Variants in MIDN observed in about 807,000 individuals in gnomAD.
MIDN encodes the protein midbrain nucleolar protein.
MIDN carries 26 observed loss-of-function variants against 46.1 expected under a neutral mutation model. The observed-to-expected ratio is 0.56, with a 90% CI of 0.41 to 0.78. The LOEUF (loss-of-function observed/expected upper bound fraction) is 0.78, where lower values mean the gene tolerates loss of function less well. MIDN is among the 30% of genes least tolerant of loss of function. The probability of loss-of-function intolerance (pLI) is 0.00; values close to 1 mark genes in which losing one functional copy is unlikely to be tolerated. For synonymous variants in MIDN, 432 were observed against 343.3 expected (o/e 1.26, Z -2.86); for missense variants, 850 against 771.8 (o/e 1.10, Z -1.20).
intron 4 of MIDN, 123 bp downstream of exon 4, chr19:1,252,024 C>T: frequency 1.2e-6 from 1 of 803,560 alleles, no homozygotes; most frequent in South Asian, 1.5e-5. Context: ...GACGCGCCAC[C>T]CCGCCTGGGT....
At position 1,251,529 on chromosome 19, in the gene MIDN, G is replaced by T. The variant is rs772117809; in HGVS notation, c.234-33G>T. 7 of 1,598,984 alleles carry T rather than the reference G, an allele frequency of 4.4e-6. 1 individual carries two copies. The highest frequency in any genetic ancestry group is 6.0e-6 in the Non-Finnish European group (7 of 1,173,688). ...GCTTCCGCGTCCCTGTGTCGTCTCC[G>T]CGGAGTCTCATGCTCTTCCTTCCTC... On this transcript the variant is annotated intron_variant, in intron 2 of 8. Coordinates refer to ENST00000682408, the MANE Select transcript of MIDN (RefSeq NM_001388306.1).
intron 1 of MIDN, 93 bp from the exon 2 acceptor site, chr19:1,249,797 G>A (rs2081100483): frequency 6.6e-6 from 1 of 151,212 alleles, no homozygotes; most frequent in South Asian, 2.1e-4. Flanking sequence ...CGCCCGGCCG[G>A]CGGAGTAAGT....
chr19:1,248,887 T>G (rs2081087168), intron 1 of MIDN, among the ~76,000 whole-genome samples: 1 of 151,024 alleles, frequency 6.6e-6, no homozygotes, highest in South Asian at 2.1e-4. Flanking sequence ...TCACCGCGGG[T>G]GACCTTGAAC....
Position 1,250,342 on chromosome 19 carries a change from C to T in MIDN, c.46C>T (p.Pro16Ser), listed in dbSNP as rs1320520510. 9.6e-7 allele frequency: 1 copy of T among 1,042,784 alleles called. No homozygotes were observed. Among genetic ancestry groups the T allele is most frequent in the African/African-American group, 1.7e-5 (1 of 57,752 alleles). 64.6% of individuals were successfully genotyped at this position (1,042,784 alleles called of 1,614,324 possible). The change falls in exon 2 of 9, where the codon CCC becomes TCC. Residue 16 changes from proline to serine, a missense_variant. Pro to Ser is a moderately conservative substitution (Grantham distance 74, BLOSUM62 -1). Transcript: ENST00000682408. Reference protein sequence around the residue: ...GGARSCRRGAPGGACELGPAA... With the variant: ...GGARSCRRGASGGACELGPAA... The stretch of plus-strand genomic sequence containing the variant: ...CGCCCGGAGCTGCCGGCGCGGGGCC[C>T]CCGGCGGCGCCTGCGAGCTGGGCCC...
At position 1,255,651 on chromosome 19, in the gene MIDN, C is replaced by T; in HGVS notation, c.1215C>T (p.Ser405=). The T allele has an allele frequency of 1.2e-6, 2 of 1,602,722 alleles. No homozygotes were observed. Among genetic ancestry groups the T allele is most frequent in the Non-Finnish European group, 8.5e-7 (1 of 1,178,030 alleles). ...CEKLTAAPSA[S]LLQGQSQIRM... ...AGCTCACGGCTGCCCCCTCAGCCTC[C>T]CTGCTGCAGGGCCAGAGCCAGATCC... The change falls in exon 8 of 9, where the codon TCC becomes TCT. Residue 405 remains serine (S), a synonymous_variant. Transcript: ENST00000682408.
At chr19:1,254,596 C>T (rs2081175069) in intron 6 of MIDN, 118 bp downstream of exon 6, 1 of 1,123,424 alleles carries the variant, frequency 8.9e-7, no homozygotes, top group Non-Finnish European at 1.3e-6. Flanking sequence ...GTATTAAGGG[C>T]TATCCTGTGA....
In MIDN at chr19:1,255,035, C is replaced by CG; in HGVS notation, c.964dup (p.Val322GlyfsTer24). 1 of 1,613,128 alleles carries CG rather than the reference C, an allele frequency of 6.2e-7. No individual in the cohort carries two copies. The highest frequency in any genetic ancestry group is 8.5e-7 in the Non-Finnish European group (1 of 1,179,748). On this transcript the variant is annotated frameshift_variant, in exon 7 of 9. Coordinates refer to ENST00000682408, the MANE Select transcript of MIDN (RefSeq NM_001388306.1). LOFTEE classifies it high-confidence loss of function. ...ATCGAGAGCTTTGTGAATCACGCCC[C>CG]GGGGGTCTTCTCAGGGACCTTCTCT... is the stretch of plus-strand genomic sequence containing the variant.
chr19:1,254,359 C>A lies in MIDN; in HGVS notation c.706C>A (p.Arg236=). Residue 236 remains arginine, a synonymous_variant, in exon 6 of 9, where the codon CGG becomes AGG. Coordinates refer to ENST00000682408, the MANE Select transcript of MIDN (RefSeq NM_001388306.1). ...SIASPVSSPC[R]PVSSAARVPP... ...AGCCTCCCCCGTGTCCTCGCCCTGC[C>A]GGCCGGTGTCCAGTGCCGCCCGAGT... 3 of 1,561,710 alleles carry A rather than the reference C, an allele frequency of 1.9e-6. No homozygotes were observed. Among genetic ancestry groups the A allele is most frequent in the Non-Finnish European group, 2.6e-6 (3 of 1,160,550 alleles).
At chr19:1,250,847 C>T (rs986232397) in intron 2 of MIDN, among the ~76,000 whole-genome samples, 1 of 152,012 alleles carries the variant, frequency 6.6e-6, no homozygotes, top group Non-Finnish European at 1.5e-5. Flanking sequence ...CGCCTGCGTC[C>T]GCGCCGGCTT....
intron 5 of MIDN, 34 bp downstream of exon 5, chr19:1,254,116 T>C (rs2081167512): frequency 1.0e-5 from 16 of 1,555,110 alleles, no homozygotes; most frequent in Non-Finnish European, 1.4e-5. Flanking sequence ...CGGGCTGGGC[T>C]GGGGGCGCCG....
At position 1,251,907 on chromosome 19, in the gene MIDN, A is replaced by T; in HGVS notation, c.384+6A>T. The T allele has an allele frequency of 6.2e-7, 1 of 1,612,042 alleles. No individual in the cohort carries two copies. Among genetic ancestry groups the T allele is most frequent in the South Asian group, 1.1e-5 (1 of 90,982 alleles). On this transcript the variant is annotated splice_donor_region_variant and intron_variant, in intron 4 of 8. Transcript: ENST00000682408. The stretch of plus-strand genomic sequence containing the variant: ...AGAGTCTCACGGAGACGCAGGTAAG[A>T]CCTCGCCAGCCCCTTCCTAACAGGG...
intron 3 of MIDN, 63 bp downstream of exon 3, chr19:1,251,712 C>T (rs1366964370): frequency 6.5e-7 from 1 of 1,535,306 alleles, no homozygotes; most frequent in Non-Finnish European, 8.9e-7. Context: ...GCCCCTCCCT[C>T]GGTACCTGTC....
chr19:1,255,012 C>G lies in MIDN; in HGVS notation c.936C>G (p.Ile312Met). The change falls in exon 7 of 9, where the codon ATC (isoleucine) becomes ATG (methionine). Residue 312 changes from isoleucine to methionine, a missense_variant. Ile to Met is a conservative substitution (Grantham distance 10). Transcript: ENST00000682408. Reference protein sequence around the residue: ...APRSRKPGAVIESFVNHAPGV... With the variant: ...APRSRKPGAVMESFVNHAPGV... The stretch of plus-strand genomic sequence containing the variant: ...GCTCCCGAAAACCCGGCGCCGTCAT[C>G]GAGAGCTTTGTGAATCACGCCCCGG... 1.2e-6 allele frequency: 2 copies of G among 1,613,370 alleles called. No homozygotes were observed. The highest frequency in any genetic ancestry group is 1.7e-6 in the Non-Finnish European group (2 of 1,179,910).
At position 1,255,695 on chromosome 19, in the gene MIDN, G is replaced by C; in HGVS notation, c.1258+1G>C. 6.4e-7 allele frequency: 1 copy of C among 1,568,784 alleles called. No homozygotes were observed. Among genetic ancestry groups the C allele is most frequent in the Non-Finnish European group, 8.6e-7 (1 of 1,160,900 alleles). On this transcript the variant is annotated splice_donor_variant, in intron 8 of 8. Transcript: ENST00000682408. LOFTEE classifies it high-confidence loss of function. ...CAGATCCGCATGTGCAAGCCCCCGG[G>C]TGAGTGGCCACCCTCGGGGGTCCTA...
At chr19:1,251,980 G>T (rs2081135428) in intron 4 of MIDN, 79 bp downstream of exon 4, 3 of 1,270,688 alleles carry the variant, frequency 2.4e-6, no homozygotes, top group Non-Finnish European at 2.2e-6. Context: ...CCTGGGGGTT[G>T]TCTGTGCTCC....
Position 1,254,310 on chromosome 19 carries a change from T to C in MIDN, c.657T>C (p.Ala219=), listed in dbSNP as rs753789318. 4.3e-5 allele frequency: 68 copies of C among 1,569,406 alleles called. No individual in the cohort carries two copies. The highest frequency in any genetic ancestry group is 5.4e-5 in the African/African-American group (4 of 73,542). The change falls in exon 6 of 9, where the codon GCT becomes GCC. Residue 219 remains alanine (A), a synonymous_variant. Coordinates refer to ENST00000682408, the MANE Select transcript of MIDN (RefSeq NM_001388306.1). Reference sequence around the variant, plus strand: ...TGCTGGCCGCTGCGGCCGCCGCCGCTGCTGCGCGGGGGGACCCCAGCATAG... The same window carrying C: ...TGCTGGCCGCTGCGGCCGCCGCCGCCGCTGCGCGGGGGGACCCCAGCATAG... ...RHVLAAAAAA[A]AARGDPSIAS...
chr19:1,256,465 GAGC>G (rs1195060788), intron 8 of MIDN, among the ~76,000 whole-genome samples: 1 of 146,662 alleles, frequency 6.8e-6, no homozygotes, highest in African/African-American at 2.5e-5. Flanking sequence ...CTGGGCGACA[GAGC>G]GAGACTCCGT....
At chr19:1,251,779 C>T (rs772533832) in intron 3 of MIDN, 60 bp from the exon 4 acceptor site, 15 of 1,573,766 alleles carry the variant, frequency 9.5e-6, no homozygotes, top group Admixed American at 1.7e-5. Context: ...CTCTCCACCC[C>T]CTATTCCAGC....
At position 1,257,039 on chromosome 19, in the gene MIDN, G is replaced by A; in HGVS notation, c.1303G>A (p.Val435Met). The change falls in exon 9 of 9, where the codon GTG becomes ATG. Residue 435 changes from valine (V) to methionine (M), a missense_variant. Coordinates refer to ENST00000682408, the MANE Select transcript of MIDN (RefSeq NM_001388306.1). ...QTENRATRCK[V>M]ERLQLLLQQK... ...AGAAAACCGCGCCACGCGCTGCAAGGTGGAACGGCTGCAGCTGCTTCTGCA... is the reference window on the plus strand; with the variant it reads ...AGAAAACCGCGCCACGCGCTGCAAGATGGAACGGCTGCAGCTGCTTCTGCA... The A allele has an allele frequency of 2.5e-6, 4 of 1,612,250 alleles. No homozygotes were observed. Among genetic ancestry groups the A allele is most frequent in the Non-Finnish European group, 2.5e-6 (3 of 1,179,970 alleles).
Sources: gnomAD v4.1 joint callset for allele counts (sites outside exome capture counted in the v4.1 genomes callset) on GRCh38, gnomAD v4.1.1 for gene constraint, MANE v1.5 for transcripts, NCBI Gene and HGNC (gene_info 2026-07-23, HGNC 2026-07-21) for gene names.